The following UQCRH variants were observed in gnomAD, a reference collection of about 807,000 sequenced individuals.
The protein encoded by UQCRH is ubiquinol-cytochrome c reductase hinge protein, also known as cytochrome b-c1 complex subunit 6, mitochondrial.
UQCRH carries 14 observed loss-of-function variants against 16.3 expected under a neutral mutation model. That is an observed-to-expected ratio of 0.86 (90% CI 0.57 to 1.34). The LOEUF (loss-of-function observed/expected upper bound fraction) is 1.34, where lower values mean the gene tolerates loss of function less well. UQCRH is among the 40% of genes most tolerant of loss of function. UQCRH has a pLI of 0.00. For synonymous variants in UQCRH, 41 were observed against 41.9 expected (o/e 0.98, Z 0.08); for missense variants, 89 against 111.9 (o/e 0.80, Z 0.92).
chr1:46,304,215 C>T (rs958778711), intron 1 of UQCRH, among the ~76,000 whole-genome samples: 1 of 152,116 alleles, frequency 6.6e-6, no homozygotes, highest in African/African-American at 2.4e-5. Flanking sequence ...TATGGAGGTT[C>T]GGAAGACCTG....
intron 3 of UQCRH, among the ~76,000 whole-genome samples, chr1:46,315,775 C>T (rs1490655490): frequency 3.3e-5 from 5 of 152,044 alleles, no homozygotes; most frequent in African/African-American, 4.8e-5. Flanking sequence ...TAAAAAATAT[C>T]GTATGATATG....
intron 2 of UQCRH, chr1:46,309,398 TAA>T (rs1250614307): frequency 7.0e-6 from 3 of 426,540 alleles, no homozygotes; most frequent in Non-Finnish European, 1.2e-5. Context: ...TGTGGTTTAA[TAA>T]AGAACTTTGG....
chr1:46,309,100 GGAGGAA>G lies in UQCRH; in HGVS notation c.66_71del (p.Glu24_Glu25del), dbSNP rs755659203. The G allele has an allele frequency of 2.0e-5, 32 of 1,613,242 alleles. No individual in the cohort carries two copies. The highest frequency in any genetic ancestry group is 1.8e-4 in the East Asian group (8 of 44,832). ...ACATTAATTTTGTTTTCCTTTTGTA[GGAGGAA>G]GAGGAAGAGGAGGAATTAGTGGTAA... On this transcript the variant is annotated inframe_deletion and splice_region_variant, in exon 2 of 4. Coordinates refer to ENST00000311672, the MANE Select transcript of UQCRH (RefSeq NM_006004.4).
chr1:46,311,384 C>T (rs960647254), intron 3 of UQCRH, among the ~76,000 whole-genome samples: 1 of 150,814 alleles, frequency 6.6e-6, no homozygotes, highest in East Asian at 2.0e-4. Context: ...TTGAGACCAT[C>T]TTGGCTAACA....
At chr1:46,314,649 G>A (rs1437413385) in intron 3 of UQCRH, among the ~76,000 whole-genome samples, 1 of 150,828 alleles carries the variant, frequency 6.6e-6, no homozygotes, top group African/African-American at 2.4e-5. Flanking sequence ...CTCCACCCTG[G>A]GCAACAAGAG....
chr1:46,316,225 A>G lies in UQCRH; in HGVS notation c.244-327A>G, dbSNP rs573953713. 2.2e-4 allele frequency among the ~76,000 whole-genome samples: 33 copies of G among 152,242 alleles called. 1 individual carries two copies. The South Asian group carries it at 6.8e-3, about 32-fold the overall frequency. ...CTTAGAACACTACCTGGCATATAGGAGATGTCCTGTTGAATTAATATGTAA... is the reference window on the plus strand; with the variant it reads ...CTTAGAACACTACCTGGCATATAGGGGATGTCCTGTTGAATTAATATGTAA... On this transcript the variant is annotated intron_variant, in intron 3 of 3. Coordinates refer to ENST00000311672, the MANE Select transcript of UQCRH (RefSeq NM_006004.4).
intron 3 of UQCRH, among the ~76,000 whole-genome samples, chr1:46,311,087 A>T (rs61273183): frequency 0.53 from 77,170 of 144,418 alleles, 21,352 homozygotes; most frequent in Non-Finnish European, 0.61. Context: ...AAAAAAAAAA[A>T]AATAATAATA....
In UQCRH at chr1:46,308,961, G is replaced by A. The variant is rs1416756286; in HGVS notation, c.55-140G>A. The A allele has an allele frequency of 1.0e-5, 11 of 1,082,326 alleles. No homozygotes were observed. The South Asian group carries it at 1.5e-4, about 14-fold the overall frequency. The allele number at this position is 1,082,326 out of a possible 1,614,324, so 67.0% of individuals were successfully genotyped here. A position where few individuals can be genotyped will look rare whatever the true frequency, so the allele number is the denominator to read the frequency against. Reference sequence around the variant, plus strand: ...CCAGGATTAGCAAGGCCTCTAAAATGTAAAAACATCATAAAACACAGAAAA... The same window carrying A: ...CCAGGATTAGCAAGGCCTCTAAAATATAAAAACATCATAAAACACAGAAAA... On this transcript the variant is annotated intron_variant, in intron 1 of 3. Coordinates refer to ENST00000311672, the MANE Select transcript of UQCRH (RefSeq NM_006004.4).
chr1:46,313,686 T>C (rs1446525865), intron 3 of UQCRH, among the ~76,000 whole-genome samples: 1 of 148,362 alleles, frequency 6.7e-6, no homozygotes, highest in South Asian at 2.1e-4. Context: ...GATAGATAGA[T>C]ATAGATAACC....
Position 46,303,825 on chromosome 1 carries a change from G to A in UQCRH, c.54+5G>A, listed in dbSNP as rs752422674. 7 of 1,614,186 alleles carry A rather than the reference G, an allele frequency of 4.3e-6. No homozygotes were observed. In the South Asian group the frequency reaches 5.5e-5, roughly 13 times the overall value. ...GAATCCGGAGATCCTGAGGAGGTAA[G>A]GCAAGGCGATCCACTCGGCCCTCTT... On this transcript the variant is annotated splice_donor_5th_base_variant and intron_variant, in intron 1 of 3. Coordinates refer to ENST00000311672, the MANE Select transcript of UQCRH (RefSeq NM_006004.4).
chr1:46,304,899 T>C (rs2148331537), intron 1 of UQCRH, among the ~76,000 whole-genome samples: 1 of 152,336 alleles, frequency 6.6e-6, no homozygotes, highest in South Asian at 2.1e-4. Context: ...TTGTTTCTAA[T>C]CTCATTTCCT....
In UQCRH at chr1:46,303,703, T is replaced by C. The variant is rs567032877; in HGVS notation, c.-64T>C. The stretch of plus-strand genomic sequence containing the variant: ...CTGAGTGACCCTTACAAGTCCTTCT[T>C]GATCCTGAACTGGGTTAGGTGCCGC... On this transcript the variant is annotated 5_prime_UTR_variant, in exon 1 of 4. Coordinates refer to ENST00000311672, the MANE Select transcript of UQCRH (RefSeq NM_006004.4). 1.6e-5 allele frequency: 25 copies of C among 1,612,290 alleles called. No homozygotes were observed. The Admixed American group carries it at 4.0e-4, about 26-fold the overall frequency.
Position 46,303,798 on chromosome 1 carries a change from C to T in UQCRH, c.32C>T (p.Thr11Ile). 1 of 1,614,178 alleles carries T rather than the reference C, an allele frequency of 6.2e-7. No homozygotes were observed. The change falls in exon 1 of 4, where the codon ACC becomes ATC. Residue 11 changes from threonine to isoleucine, a missense_variant. Transcript: ENST00000311672. The part of the protein sequence containing the change: MGLEDEQKML[T>I]ESGDPEEEEE... ...CTGGAGGACGAGCAAAAGATGCTTA[C>T]CGAATCCGGAGATCCTGAGGAGGTA...
At chr1:46,305,687 C>G (rs1424148230) in intron 1 of UQCRH, among the ~76,000 whole-genome samples, 3 of 151,918 alleles carry the variant, frequency 2.0e-5, no homozygotes, top group Non-Finnish European at 4.4e-5. Context: ...AGAGGCGAAG[C>G]TTGCAGTGAG....
Position 46,312,495 on chromosome 1 carries a change from C to T in UQCRH, c.243+2179C>T, listed in dbSNP as rs796332002. ...AGAACTCCTGGGTTCACACATGCCA[C>T]TCATCTCAGCTTCCCAGAGTGTTGG... is the stretch of plus-strand genomic sequence containing the variant. On this transcript the variant is annotated intron_variant, in intron 3 of 3. Transcript: ENST00000311672. 2.8e-4 allele frequency among the ~76,000 whole-genome samples: 42 copies of T among 152,158 alleles called. 1 individual carries two copies. The highest frequency in any genetic ancestry group is 1.0e-3 in the African/African-American group (42 of 41,476).
chr1:46,311,200 C>T (rs1661466909), intron 3 of UQCRH, among the ~76,000 whole-genome samples: 1 of 151,868 alleles, frequency 6.6e-6, no homozygotes, highest in Admixed American at 6.6e-5. Flanking sequence ...ATAAACATCC[C>T]AACATGCACC....
At chr1:46,313,532 GGCTGGAGAATGGCGTGAACCC>G (rs1446312337) in intron 3 of UQCRH, among the ~76,000 whole-genome samples, 1 of 152,178 alleles carries the variant, frequency 6.6e-6, no homozygotes, top group African/African-American at 2.4e-5. Flanking sequence ...GGGAGGCTGA[GGCTGGAGAATGGCGTGAACCC>G]GGGAGGCGGA....
chr1:46,312,600 C>T (rs1489944517), intron 3 of UQCRH, among the ~76,000 whole-genome samples: 7 of 151,912 alleles, frequency 4.6e-5, no homozygotes, highest in East Asian at 1.9e-4. Context: ...TAGTGGCTGA[C>T]GCTTATGATC....
intron 3 of UQCRH, among the ~76,000 whole-genome samples, chr1:46,312,136 C>A (rs7545120): frequency 0.044 from 6,715 of 151,670 alleles, 278 homozygotes; most frequent in African/African-American, 0.097. Flanking sequence ...CACTCTGTCA[C>A]CCAGGCTGGA....
Sources: allele counts gnomAD v4.1 joint callset (sites outside exome capture counted in the v4.1 genomes callset), GRCh38; gene constraint gnomAD v4.1.1; transcripts MANE v1.5; gene names NCBI Gene and HGNC (gene_info 2026-07-23, HGNC 2026-07-21).